The following SLC39A14 variants were observed in gnomAD, a reference collection of about 807,000 sequenced individuals.
SLC39A14 encodes the protein solute carrier family 39 member 14.
SLC39A14 carries 19 observed loss-of-function variants against 45.5 expected under a neutral mutation model. The observed-to-expected ratio is 0.42, with a 90% CI of 0.29 to 0.61. The LOEUF is 0.61. SLC39A14 is among the 20% of genes least tolerant of loss of function. The pLI, the probability that SLC39A14 is intolerant of heterozygous loss-of-function variation, is 0.22. For missense variants in SLC39A14, 447 were observed against 616.5 expected (o/e 0.73, Z 2.91); for synonymous variants, 264 against 251.3 (o/e 1.05, Z -0.48).
At chr8:22,418,526 G>T (rs980675462) in intron 8 of SLC39A14, among the ~76,000 whole-genome samples, 1 of 151,878 alleles carries the variant, frequency 6.6e-6, no homozygotes, top group African/African-American at 2.4e-5. Context: ...AATGCATTGG[G>T]TGTGTCTTTT....
At position 22,420,778 on chromosome 8, in the gene SLC39A14, G is replaced by C; in HGVS notation, c.*1080G>C. ...TAAATCAAAGCATGACTAATAGGGG[G>C]TCTCTGAAATGTAAGGGCACAAACT... is the stretch of plus-strand genomic sequence containing the variant. On this transcript the variant is annotated 3_prime_UTR_variant, in exon 9 of 9. Coordinates refer to ENST00000381237, the MANE Select transcript of SLC39A14 (RefSeq NM_001128431.4). 1 of 985,376 alleles carries C rather than the reference G, an allele frequency of 1.0e-6. No homozygotes were observed. Among genetic ancestry groups the C allele is most frequent in the Non-Finnish European group, 1.2e-6 (1 of 829,916 alleles). The allele number at this position is 985,376 out of a possible 1,614,324, so 61.0% of individuals were successfully genotyped here.
At chr8:22,423,336 TTTTG>T (rs1836318510), downstream of SLC39A14, among the ~76,000 whole-genome samples, 1 of 129,652 alleles carries the variant, frequency 7.7e-6, no homozygotes, top group African/African-American at 2.7e-5. Context: ...GTTGTTGTTG[TTTTG>T]TTTTTTTTTT....
At chr8:22,415,001 A>C (rs1835789116) in intron 5 of SLC39A14, 99 bp downstream of exon 5, 1 of 1,351,088 alleles carries the variant, frequency 7.4e-7, no homozygotes, top group Non-Finnish European at 1.0e-6. Context: ...GTCTTAGCCC[A>C]ATATCACAAT....
At chr8:22,403,819 G>A (rs938458444) in intron 1 of SLC39A14, among the ~76,000 whole-genome samples, 15 of 152,144 alleles carry the variant, frequency 9.9e-5, no homozygotes, top group African/African-American at 3.6e-4. Flanking sequence ...TCAGGAGGCT[G>A]AGGCAGGAGA....
chr8:22,405,959 T>C (rs538178495), intron 2 of SLC39A14, among the ~76,000 whole-genome samples: 1 of 152,338 alleles, frequency 6.6e-6, no homozygotes, highest in Admixed American at 6.5e-5. Flanking sequence ...GAGTTGACTG[T>C]CACGATGGGG....
Position 22,420,325 on chromosome 8 carries a change from C to G in SLC39A14, c.*627C>G. On this transcript the variant is annotated 3_prime_UTR_variant, in exon 9 of 9. Coordinates refer to ENST00000381237, the MANE Select transcript of SLC39A14 (RefSeq NM_001128431.4). ...GTCGAACCACTGCTGTGTGTCTTGT[C>G]AGGATGCTCACTTGTTCCTACTGAG... is the stretch of plus-strand genomic sequence containing the variant. The G allele has an allele frequency of 2.0e-6, 2 of 985,464 alleles. No individual in the cohort carries two copies. 61.0% of individuals were successfully genotyped at this position (985,464 alleles called of 1,614,324 possible).
chr8:22,376,257 C>A lies in SLC39A14; in HGVS notation c.-16+8849C>A, dbSNP rs377505948. On this transcript the variant is annotated intron_variant, in intron 1 of 8. Transcript: ENST00000381237. ...TGTGATCTCGGCTCTCTGCAGCCTC[C>A]ACCTCCCAGTTTCAAGCAATTCTCC... is the stretch of plus-strand genomic sequence containing the variant. Among the ~76,000 whole-genome samples, 5 of 151,250 alleles carry A rather than the reference C, an allele frequency of 3.3e-5. No individual in the cohort carries two copies. The East Asian group carries it at 5.8e-4, about 18-fold the overall frequency.
chr8:22,418,947 C>T (rs937736577), intron 8 of SLC39A14, among the ~76,000 whole-genome samples: 4 of 151,862 alleles, frequency 2.6e-5, no homozygotes, highest in South Asian at 2.1e-4. Flanking sequence ...GACAATTGCT[C>T]GAGCCCAGGA....
In SLC39A14 at chr8:22,421,052, C is replaced by G; in HGVS notation, c.*1354C>G. 1 of 985,848 alleles carries G rather than the reference C, an allele frequency of 1.0e-6. No homozygotes were observed. Among genetic ancestry groups the G allele is most frequent in the Non-Finnish European group, 1.2e-6 (1 of 829,940 alleles). The allele number at this position is 985,848 out of a possible 1,614,324, so 61.1% of individuals were successfully genotyped here. A position where few individuals can be genotyped will look rare whatever the true frequency, so the allele number is the denominator to read the frequency against. On this transcript the variant is annotated 3_prime_UTR_variant, in exon 9 of 9. Transcript: ENST00000381237. Reference sequence around the variant, plus strand: ...CTCTGGCTTCAAGGGGAGCTCTTCTCCAGGTTCACTAGGTGAATTGATTTA... The same window carrying G: ...CTCTGGCTTCAAGGGGAGCTCTTCTGCAGGTTCACTAGGTGAATTGATTTA...
intron 8 of SLC39A14, among the ~76,000 whole-genome samples, chr8:22,429,373 A>T (rs975578417): frequency 9.2e-5 from 14 of 152,310 alleles, no homozygotes; most frequent in Middle Eastern, 6.8e-3. Context: ...AACATGTTTA[A>T]CCTCTCTGCA....
At chr8:22,379,983 TA>T (rs1278875077) in intron 1 of SLC39A14, among the ~76,000 whole-genome samples, 2 of 151,446 alleles carry the variant, frequency 1.3e-5, no homozygotes, top group Non-Finnish European at 2.9e-5. Context: ...ATATAATGGT[TA>T]AAAAGAATAC....
intron 1 of SLC39A14, among the ~76,000 whole-genome samples, chr8:22,371,768 G>A (rs1832950109): frequency 8.0e-6 from 1 of 125,604 alleles, no homozygotes; most frequent in Admixed American, 8.4e-5. Flanking sequence ...TTTTTGAGAC[G>A]GAGCCTTGCT....
At chr8:22,406,251 C>G (rs918454658) in intron 2 of SLC39A14, among the ~76,000 whole-genome samples, 7 of 151,358 alleles carry the variant, frequency 4.6e-5, no homozygotes, top group Non-Finnish European at 7.4e-5. Context: ...GAGTTTGAGA[C>G]TAGCCTGGCC....
intron 1 of SLC39A14, among the ~76,000 whole-genome samples, chr8:22,376,662 G>A (rs768051682): frequency 5.9e-5 from 9 of 152,054 alleles, no homozygotes; most frequent in Non-Finnish European, 1.2e-4. Flanking sequence ...GGCAAAGGCC[G>A]ACGTCGGGAG....
intron 1 of SLC39A14, among the ~76,000 whole-genome samples, chr8:22,386,143 A>C (rs1220274822): frequency 6.6e-6 from 1 of 151,222 alleles, no homozygotes; most frequent in Admixed American, 6.6e-5. Flanking sequence ...GGGTTTCATT[A>C]TATGTTGGCC....
intron 1 of SLC39A14, among the ~76,000 whole-genome samples, chr8:22,371,406 AT>A (rs941782074): frequency 5.0e-5 from 4 of 80,600 alleles, no homozygotes; most frequent in Admixed American, 1.2e-4. Flanking sequence ...TAAAAAAAAA[AT>A]ACATGTCTTT....
At chr8:22,386,484 C>T (rs1162370843) in intron 1 of SLC39A14, among the ~76,000 whole-genome samples, 2 of 152,180 alleles carry the variant, frequency 1.3e-5, no homozygotes, top group African/African-American at 4.8e-5. Flanking sequence ...CCAGGCTGGT[C>T]TCGAACTTCT....
At chr8:22,388,391 G>A (rs1384986380) in intron 1 of SLC39A14, among the ~76,000 whole-genome samples, 2 of 152,010 alleles carry the variant, frequency 1.3e-5, no homozygotes, top group Non-Finnish European at 2.9e-5. Flanking sequence ...GTGTAGGGAT[G>A]GAGGGGTAGG....
chr8:22,423,555 T>G (rs1165826152), downstream of SLC39A14, among the ~76,000 whole-genome samples: 1 of 152,110 alleles, frequency 6.6e-6, no homozygotes, highest in Non-Finnish European at 1.5e-5. Context: ...CAGGATGGTC[T>G]CGATCTCCTG....
Sources: allele counts gnomAD v4.1 joint callset (sites outside exome capture counted in the v4.1 genomes callset), GRCh38; gene constraint gnomAD v4.1.1; transcripts MANE v1.5; gene names NCBI Gene and HGNC (gene_info 2026-07-23, HGNC 2026-07-21).